Variants in WDR72 observed in about 807,000 individuals in gnomAD.
The protein encoded by WDR72 is WD repeat-containing protein 72.
A neutral mutation model predicts 124.2 loss-of-function variants in WDR72; 120 were observed. That is an observed-to-expected ratio of 0.97 (90% CI 0.83 to 1.12). WDR72 has a LOEUF of 1.12. Among genes scored for constraint, WDR72 ranks in the 50% most tolerant of loss-of-function variants. The probability of loss-of-function intolerance (pLI) is 0.00; values close to 1 mark genes in which losing one functional copy is unlikely to be tolerated. For synonymous variants in WDR72, 452 were observed against 441.7 expected (o/e 1.02, Z -0.29); for missense variants, 1,387 against 1,278.8 (o/e 1.08, Z -1.29).
chr15:53,715,265 GAAC>G lies in WDR72; in HGVS notation c.439_441del (p.Val147del), dbSNP rs1438609558. The G allele has an allele frequency of 4.3e-6, 7 of 1,614,102 alleles. No homozygotes were observed. In the South Asian group the frequency reaches 7.7e-5, roughly 18 times the overall value. ...GGAAACTGAGATGATCTAAAACTGT[GAAC>G]AACAGCCAAAGTTTTGGCATCAATT... On this transcript the variant is annotated inframe_deletion, in exon 5 of 20. Transcript: ENST00000360509.
At chr15:53,587,980 T>C (rs765334108) in intron 18 of WDR72, among the ~76,000 whole-genome samples, 1 of 152,020 alleles carries the variant, frequency 6.6e-6, no homozygotes, top group Non-Finnish European at 1.5e-5. Flanking sequence ...CTTGTCAGCA[T>C]TAATTTTTCC....
intron 13 of WDR72, among the ~76,000 whole-genome samples, chr15:53,668,980 AAGGAGAAGG>A (rs2015887239): frequency 1.1e-5 from 1 of 90,802 alleles, no homozygotes; most frequent in Non-Finnish European, 2.4e-5. Context: ...GGAGGAGGAG[AAGGAGAAGG>A]AGGAGGAGAA....
At chr15:53,693,341 A>C (rs963184280) in intron 13 of WDR72, among the ~76,000 whole-genome samples, 1 of 152,042 alleles carries the variant, frequency 6.6e-6, no homozygotes. Context: ...GTAGGAATTT[A>C]CCACACAATT....
At chr15:53,707,791 C>G (rs1236636835) in intron 9 of WDR72, among the ~76,000 whole-genome samples, 1 of 152,128 alleles carries the variant, frequency 6.6e-6, no homozygotes, top group Non-Finnish European at 1.5e-5. Context: ...GTCTTACAGC[C>G]ATGATTTTTA....
chr15:53,538,098 A>T (rs1029222282), intron 18 of WDR72, among the ~76,000 whole-genome samples: 39 of 152,216 alleles, frequency 2.6e-4, no homozygotes, highest in African/African-American at 7.9e-4. Flanking sequence ...AGCTTTTTTA[A>T]TTTTTTGCTG....
chr15:53,586,424 T>C (rs2012217587), intron 18 of WDR72, among the ~76,000 whole-genome samples: 1 of 152,086 alleles, frequency 6.6e-6, no homozygotes, highest in Non-Finnish European at 1.5e-5. Flanking sequence ...CCATCATAAG[T>C]AGATTACATG....
At chr15:53,697,530 G>A (rs1026506534) in intron 13 of WDR72, among the ~76,000 whole-genome samples, 3 of 152,000 alleles carry the variant, frequency 2.0e-5, no homozygotes, top group African/African-American at 7.2e-5. Context: ...TCCTCTTTTT[G>A]CTTCAGTCCT....
At chr15:53,696,036 T>TC (rs984132471) in intron 13 of WDR72, among the ~76,000 whole-genome samples, 3 of 152,174 alleles carry the variant, frequency 2.0e-5, no homozygotes, top group African/African-American at 7.2e-5. Flanking sequence ...TCCTGCCTTT[T>TC]CTTTCTAGGC....
intron 15 of WDR72, among the ~76,000 whole-genome samples, chr15:53,614,688 T>C (rs996083371): frequency 3.9e-5 from 6 of 152,044 alleles, no homozygotes; most frequent in Non-Finnish European, 7.4e-5. Context: ...ATCTGCTCTG[T>C]GGGATCATGA....
intron 3 of WDR72, among the ~76,000 whole-genome samples, chr15:53,718,488 T>C: frequency 6.6e-6 from 1 of 152,226 alleles, no homozygotes. Context: ...ATATTAAATC[T>C]GAAAATAAAA....
At chr15:53,703,505 T>C (rs2017248021) in intron 11 of WDR72, among the ~76,000 whole-genome samples, 1 of 151,720 alleles carries the variant, frequency 6.6e-6, no homozygotes, top group Admixed American at 6.6e-5. Flanking sequence ...TAACCACAGA[T>C]GTTACATCTG....
chr15:53,547,098 A>G (rs1893507796), intron 18 of WDR72, among the ~76,000 whole-genome samples: 1 of 152,266 alleles, frequency 6.6e-6, no homozygotes, highest in Non-Finnish European at 1.5e-5. Flanking sequence ...TACTTAATTC[A>G]GAAACATCAG....
At chr15:53,575,883 G>C (rs554176615) in intron 18 of WDR72, among the ~76,000 whole-genome samples, 1 of 152,146 alleles carries the variant, frequency 6.6e-6, no homozygotes, top group Admixed American at 6.5e-5. Context: ...TATCTACCAG[G>C]GTAGAACTGG....
In WDR72 at chr15:53,616,120, T is replaced by G; in HGVS notation, c.2086A>C (p.Thr696Pro). 6.2e-7 allele frequency: 1 copy of G among 1,603,942 alleles called. No individual in the cohort carries two copies. The highest frequency in any genetic ancestry group is 8.5e-7 in the Non-Finnish European group (1 of 1,174,094). ...LENLVELLLP[T>P]PLSDVDSSSS... ...GAAGAGTCAACATCACTGAGTGGAG[T>G]TGGTAGCAAAAGTTCAACAAGGTTT... Residue 696 changes from threonine (T) to proline (P), a missense_variant, in exon 15 of 20, where the codon ACT becomes CCT. Physicochemically the swap from Thr to Pro is conservative, Grantham distance 38. Coordinates refer to ENST00000360509, the MANE Select transcript of WDR72 (RefSeq NM_182758.4).
chr15:53,672,901 G>A (rs1330755117), intron 13 of WDR72, among the ~76,000 whole-genome samples: 3 of 152,086 alleles, frequency 2.0e-5, no homozygotes, highest in South Asian at 2.1e-4. Context: ...AGACTGAGGC[G>A]GGCTAATCCC....
intron 12 of WDR72, 55 bp downstream of exon 12, chr15:53,702,079 T>C: frequency 1.0e-5 from 14 of 1,339,672 alleles, no homozygotes; most frequent in Non-Finnish European, 1.4e-5. Context: ...TATTAAGTAT[T>C]CTATAATTTA....
At chr15:53,550,435 G>A (rs1400350403) in intron 18 of WDR72, among the ~76,000 whole-genome samples, 1 of 152,184 alleles carries the variant, frequency 6.6e-6, no homozygotes, top group Non-Finnish European at 1.5e-5. Context: ...CACCAGCTGA[G>A]CTTCAGTTTT....
chr15:53,589,209 T>C (rs1362987996), intron 18 of WDR72, among the ~76,000 whole-genome samples: 1 of 151,906 alleles, frequency 6.6e-6, no homozygotes, highest in Non-Finnish European at 1.5e-5. Context: ...CATATGACTA[T>C]TTTTAATTTC....
chr15:53,759,588 T>C, intron 1 of WDR72, 45 bp downstream of exon 1: 1 of 152,554 alleles, frequency 6.6e-6, no homozygotes, highest in Non-Finnish European at 1.5e-5. Flanking sequence ...ACCACCAGCC[T>C]GGGACCCGGC....
Sources: allele counts gnomAD v4.1 joint callset (sites outside exome capture counted in the v4.1 genomes callset), GRCh38; gene constraint gnomAD v4.1.1; transcripts MANE v1.5; gene names NCBI Gene and HGNC (gene_info 2026-07-23, HGNC 2026-07-21).